Variants in CEP131 observed in about 807,000 individuals in gnomAD.
CEP131 encodes the protein centrosomal protein 131, also known as centrosomal protein of 131 kDa.
A neutral mutation model predicts 136.8 loss-of-function variants in CEP131; 99 were observed. The observed-to-expected ratio is 0.72, with a 90% confidence interval of 0.62 to 0.86. The LOEUF is 0.86. Among genes scored for constraint, CEP131 ranks in the 40% least tolerant of loss-of-function variants. The pLI is 0.00. For synonymous variants in CEP131, 646 were observed against 612.7 expected (o/e 1.05, Z -0.80); for missense variants, 1,459 against 1,463.0 (o/e 1.00, Z 0.04).
chr17:81,195,793 A>G (rs1222856197), intron 16 of CEP131, 42 bp downstream of exon 16: 1 of 1,548,872 alleles, frequency 6.5e-7, no homozygotes, highest in Non-Finnish European at 8.8e-7. Flanking sequence ...CTGGCCTGTG[A>G]GCCGGGCTTG....
At position 81,208,386 on chromosome 17, in the gene CEP131, C is replaced by T. The variant is rs1002560056; in HGVS notation, c.272+542G>A. On this transcript the variant is annotated intron_variant, in intron 3 of 25. Transcript: ENST00000450824. The surrounding 1 kb of genome is among the most constrained non-coding windows in gnomAD (Gnocchi z 5.6). ...TGGGAGGTGGTGTCAGGACCTCGCC[C>T]ACCACTCTGGGCTAGAGGATGTCCC... 4.6e-5 allele frequency among the ~76,000 whole-genome samples: 7 copies of T among 152,152 alleles called. No individual in the cohort carries two copies. Among genetic ancestry groups the T allele is most frequent in the African/African-American group, 1.7e-4 (7 of 41,416 alleles).
rs1024859611 is a variant in CEP131, at chr17:81,203,358, C to T, written c.629+136G>A. Reference sequence around the variant, plus strand: ...GAGGTTGGACCCCATGCACACTGACCGCATGCCCTGACCAAGGTAGAACCC... The same window carrying T: ...GAGGTTGGACCCCATGCACACTGACTGCATGCCCTGACCAAGGTAGAACCC... On this transcript the variant is annotated intron_variant, in intron 6 of 25. Coordinates refer to ENST00000450824, the MANE Select transcript of CEP131 (RefSeq NM_014984.4). The surrounding 1 kb of genome is among the most constrained non-coding windows in gnomAD (Gnocchi z 4.6). The T allele has an allele frequency of 2.5e-5, 17 of 684,406 alleles. No individual in the cohort carries two copies. Among genetic ancestry groups the T allele is most frequent in the African/African-American group, 5.3e-5 (3 of 56,248 alleles). 42.4% of individuals were successfully genotyped at this position (684,406 alleles called of 1,614,324 possible). A position where few individuals can be genotyped will look rare whatever the true frequency, so the allele number is the denominator to read the frequency against.
At chr17:81,193,492 C>G (rs1412762111) in intron 18 of CEP131, among the ~76,000 whole-genome samples, 1 of 152,178 alleles carries the variant, frequency 6.6e-6, no homozygotes, top group Admixed American at 6.5e-5. Flanking sequence ...CCCCAGGGCT[C>G]AGGACGCAAG....
Position 81,198,919 on chromosome 17 carries a change from G to C in CEP131, c.1245C>G (p.Asp415Glu). The change falls in exon 11 of 26, where the codon GAC (aspartate) becomes GAG (glutamate). Residue 415 changes from aspartate (D) to glutamate (E), a missense_variant. By Grantham distance (45) the Asp-to-Glu change is conservative. Around this residue, in one of 3 missense-constraint regions of CEP131, gnomAD observed 1,026 missense variants for 964.2 expected, o/e 1.06. Transcript: ENST00000450824. ...GAGGCTGCTGTGGTTCTGGGGATGA[G>C]TCGGAGGTGGGCAGGCAGCGGTCTC... ...GPGDRCLPTS[D>E]SSPEPQQPPE... The C allele has an allele frequency of 6.3e-7, 1 of 1,593,648 alleles. No homozygotes were observed. Among genetic ancestry groups the C allele is most frequent in the Non-Finnish European group, 8.5e-7 (1 of 1,171,164 alleles).
intron 17 of CEP131, among the ~76,000 whole-genome samples, chr17:81,194,422 C>T (rs543950076): frequency 6.6e-5 from 10 of 152,302 alleles, no homozygotes; most frequent in African/African-American, 1.9e-4. Flanking sequence ...GACCAGGCCT[C>T]GGGGAGCCCT....
chr17:81,200,249 T>A, intron 8 of CEP131, 80 bp downstream of exon 8: 1 of 1,103,858 alleles, frequency 9.1e-7, no homozygotes, highest in East Asian at 2.5e-5. Context: ...TGATTCCACC[T>A]GTCCCAGAAA....
At position 81,202,338 on chromosome 17, in the gene CEP131, C is replaced by T. The variant is rs751772344; in HGVS notation, c.690G>A (p.Pro230=). ...GSESSGFGKL[P]KNVSSATHSA... ...AGTGGGTGGCACTGGAGACATTCTT[C>T]GGCAGCTTCCCAAAGCCGCTGCTCT... Residue 230 remains proline, a synonymous_variant, in exon 7 of 26, where the codon CCG becomes CCA. Transcript: ENST00000450824. The T allele has an allele frequency of 2.6e-5, 42 of 1,613,600 alleles. No individual in the cohort carries two copies. Among genetic ancestry groups the T allele is most frequent in the East Asian group, 1.3e-4 (6 of 44,870 alleles).
rs778167801 is a variant in CEP131 at position 81,195,864 on chromosome 17, C to T, written c.1987G>A (p.Val663Met). ...KQEDQRCTER[V>M]AQAQAQHELE... ...TCGTGCTGCGCCTGTGCCTGGGCCA[C>T]ACGCTCGGTGCATCTCTGGTCCTCC... is the stretch of plus-strand genomic sequence containing the variant. The change falls in exon 16 of 26, where the codon GTG (valine) becomes ATG (methionine). Residue 663 changes from valine (V) to methionine (M), a missense_variant. By Grantham distance (21) the Val-to-Met change is conservative. Transcript: ENST00000450824. 78 of 1,607,214 alleles carry T rather than the reference C, an allele frequency of 4.9e-5. No individual in the cohort carries two copies. Among genetic ancestry groups the T allele is most frequent in the Non-Finnish European group, 6.4e-5 (75 of 1,179,922 alleles).
intron 11 of CEP131, 91 bp from the exon 12 acceptor site, chr17:81,198,388 G>T: frequency 7.6e-7 from 1 of 1,315,990 alleles, no homozygotes; most frequent in Non-Finnish European, 1.0e-6. Context: ...CCCCAAAGGC[G>T]CCGCGGGAGC....
At chr17:81,206,666 A>T in intron 5 of CEP131, 78 bp downstream of exon 5, 1 of 1,510,168 alleles carries the variant, frequency 6.6e-7, no homozygotes, top group African/African-American at 1.4e-5. Context: ...CGAGCCATAA[A>T]CAAGACAAAG....
At chr17:81,206,581 T>C (rs978851379) in intron 5 of CEP131, among the ~76,000 whole-genome samples, 163 bp downstream of exon 5, 15 of 152,170 alleles carry the variant, frequency 9.9e-5, no homozygotes, top group African/African-American at 1.9e-4. Flanking sequence ...CCTGGCAGCC[T>C]CCTGCCTATG....
Position 81,190,897 on chromosome 17 carries a change from G to C in CEP131, c.2943+10C>G. On this transcript the variant is annotated intron_variant, in intron 23 of 25. Coordinates refer to ENST00000450824, the MANE Select transcript of CEP131 (RefSeq NM_014984.4). ...GGTGCCCACTGCCCACCTGACACCCGCCCACTCACCGCCTGCGCATCCTCC... is the reference window on the plus strand; with the variant it reads ...GGTGCCCACTGCCCACCTGACACCCCCCCACTCACCGCCTGCGCATCCTCC... 6.3e-7 allele frequency: 1 copy of C among 1,598,970 alleles called. No homozygotes were observed. The highest frequency in any genetic ancestry group is 8.5e-7 in the Non-Finnish European group (1 of 1,174,622).
intron 17 of CEP131, 77 bp downstream of exon 17, chr17:81,194,793 T>C: frequency 5.0e-6 from 6 of 1,196,222 alleles, no homozygotes; most frequent in Non-Finnish European, 7.5e-6. Flanking sequence ...ATGCCTGAAG[T>C]TATGGCTCTC....
In CEP131 at chr17:81,211,925, C is replaced by G. The variant is rs530220838; in HGVS notation, c.178-2903G>C. Reference sequence around the variant, plus strand: ...TCCAACCTGGGCAACACAGTGAGACCCTGTCTCTGAAAAAAAAAAAAAAAG... The same window carrying G: ...TCCAACCTGGGCAACACAGTGAGACGCTGTCTCTGAAAAAAAAAAAAAAAG... On this transcript the variant is annotated intron_variant, in intron 2 of 25. Transcript: ENST00000450824. Among the ~76,000 whole-genome samples, 147 of 142,186 alleles carry G rather than the reference C, an allele frequency of 1.0e-3. 1 individual carries two copies. The highest frequency in any genetic ancestry group is 2.7e-3 in the African/African-American group (99 of 36,724). The allele number at this position is 142,186 out of a possible 152,430, so 93.3% of individuals were successfully genotyped here.
rs372370793 is a variant in CEP131 at position 81,219,965 on chromosome 17, C to T, written c.92G>A (p.Arg31Gln). 15 of 1,611,756 alleles carry T rather than the reference C, an allele frequency of 9.3e-6. No homozygotes were observed. The highest frequency in any genetic ancestry group is 6.7e-5 in the East Asian group (3 of 44,658). The stretch of plus-strand genomic sequence containing the variant: ...GGTGGTGGCGGCACTGCCAGGACGC[C>T]GGGACACAGGCGGAGGGAGACCTGT... ...SLTGLPPPVSRRPGSAATTKP... is the reference protein window; with the variant it reads ...SLTGLPPPVSQRPGSAATTKP... The change falls in exon 2 of 26, where the codon CGG (arginine) becomes CAG (glutamine). Residue 31 changes from arginine (R) to glutamine (Q), a missense_variant. By Grantham distance (43) the Arg-to-Gln change is conservative. Around this residue, in one of 3 missense-constraint regions of CEP131, gnomAD observed 187 missense variants for 179.9 expected, o/e 1.04. Coordinates refer to ENST00000450824, the MANE Select transcript of CEP131 (RefSeq NM_014984.4). This position sits in a 1 kb window ranked among gnomAD's most constrained non-coding sequence, Gnocchi z 4.0.
chr17:81,214,873 C>T (rs1033318864), intron 2 of CEP131, among the ~76,000 whole-genome samples: 2 of 151,760 alleles, frequency 1.3e-5, no homozygotes, highest in South Asian at 4.1e-4. Context: ...CCTGGGTTCA[C>T]GCCATTCTCC....
chr17:81,190,011 C>A, intron 24 of CEP131, 36 bp from the exon 25 acceptor site: 1 of 1,565,456 alleles, frequency 6.4e-7, no homozygotes, highest in Non-Finnish European at 8.7e-7. Flanking sequence ...AGTGTGGCCC[C>A]CGCCCCATGT....
rs973116564 is a variant in CEP131 at position 81,219,162 on chromosome 17, T to C, written c.177+718A>G. Among the ~76,000 whole-genome samples the C allele has an allele frequency of 6.6e-6, 1 of 151,664 alleles. No individual in the cohort carries two copies. The highest frequency in any genetic ancestry group is 1.5e-5 in the Non-Finnish European group (1 of 67,886). ...CCACCCTCCTCCCTACTCCCAGAGG[T>C]GGGCAGGAAAGGCAGCTCTCACCCC... On this transcript the variant is annotated intron_variant, in intron 2 of 25. Coordinates refer to ENST00000450824, the MANE Select transcript of CEP131 (RefSeq NM_014984.4). The surrounding 1 kb of genome is among the most constrained non-coding windows in gnomAD (Gnocchi z 4.0).
rs1188808756 is a variant in CEP131 at position 81,214,373 on chromosome 17, T to C, written c.178-5351A>G. On this transcript the variant is annotated intron_variant, in intron 2 of 25. Transcript: ENST00000450824. ...TAGTTTGAGACCAGCCTGGCCAACATGGTGAAATCCTGTCTCTACTAAAAA... is the reference window on the plus strand; with the variant it reads ...TAGTTTGAGACCAGCCTGGCCAACACGGTGAAATCCTGTCTCTACTAAAAA... 3.3e-5 allele frequency among the ~76,000 whole-genome samples: 5 copies of C among 152,104 alleles called. No homozygotes were observed. The East Asian group carries it at 9.6e-4, about 29-fold the overall frequency.
Sources: allele counts gnomAD v4.1 joint callset (sites outside exome capture counted in the v4.1 genomes callset), GRCh38; gene constraint gnomAD v4.1.1; regional missense constraint gnomAD v4.1.1; non-coding constraint Gnocchi (gnomAD v3.1); transcripts MANE v1.5; gene names NCBI Gene and HGNC (gene_info 2026-07-23, HGNC 2026-07-21).